Variants in RGL1 observed in about 807,000 individuals in gnomAD.
The protein encoded by RGL1 is ral guanine nucleotide dissociation stimulator like 1.
Under a neutral mutation model 95.2 loss-of-function variants are expected in RGL1, and 24 were observed. That is an observed-to-expected ratio of 0.25 (90% CI 0.18 to 0.35). The LOEUF is 0.35. Ranked by LOEUF, RGL1 falls within the 10% of genes least tolerant of loss-of-function variation. RGL1 has a pLI of 1.00. For missense variants in RGL1, 715 were observed against 936.3 expected, an observed-to-expected ratio of 0.76 and a Z score of 3.08; for synonymous variants, 329 against 344.9, an observed-to-expected ratio of 0.95 and a Z score of 0.51.
chr1:183,868,556 T>G (rs1266483686), intron 4 of RGL1, among the ~76,000 whole-genome samples: 2 of 152,202 alleles, frequency 1.3e-5, no homozygotes, highest in Admixed American at 6.5e-5. Context: ...GATTCTCAAG[T>G]GATTCCTAAG....
At chr1:183,655,294 T>A (rs1347756725) in intron 1 of RGL1, among the ~76,000 whole-genome samples, 2 of 152,250 alleles carry the variant, frequency 1.3e-5, no homozygotes, top group Non-Finnish European at 2.9e-5. Context: ...TGCTAGTTAC[T>A]GCTTATAAGG....
chr1:183,744,916 GTAAAGTATGAATA>G (rs1457886127), intron 2 of RGL1, among the ~76,000 whole-genome samples: 1 of 152,130 alleles, frequency 6.6e-6, no homozygotes, highest in Non-Finnish European at 1.5e-5. Flanking sequence ...ATGCTGAGTT[GTAAAGTATGAATA>G]CCTTTAGTTT....
intron 1 of RGL1, among the ~76,000 whole-genome samples, chr1:183,719,569 A>C (rs1655862731): frequency 1.3e-5 from 2 of 152,132 alleles, no homozygotes; most frequent in South Asian, 4.1e-4. Context: ...GGAAGAAGTA[A>C]ATATTTGCAA....
intron 1 of RGL1, among the ~76,000 whole-genome samples, chr1:183,737,761 A>G (rs1657032939): frequency 6.6e-6 from 1 of 152,056 alleles, no homozygotes; most frequent in South Asian, 2.1e-4. Flanking sequence ...AAAATTCCCA[A>G]ACAATTTTCT....
At chr1:183,897,669 T>C (rs1024150925) in intron 9 of RGL1, 139 bp from the exon 10 acceptor site, 1 of 594,244 alleles carries the variant, frequency 1.7e-6, no homozygotes, top group Non-Finnish European at 3.0e-6. Flanking sequence ...CGTGAGAGCC[T>C]GCTGGAGGCC....
At chr1:183,837,085 T>C (rs1446451378) in intron 2 of RGL1, among the ~76,000 whole-genome samples, 1 of 152,182 alleles carries the variant, frequency 6.6e-6, no homozygotes, top group Non-Finnish European at 1.5e-5. Flanking sequence ...ATGACTTGAC[T>C]TTAAAGTTTG....
At chr1:183,768,845 C>A (rs1440365853) in intron 2 of RGL1, among the ~76,000 whole-genome samples, 1 of 152,190 alleles carries the variant, frequency 6.6e-6, no homozygotes, top group Non-Finnish European at 1.5e-5. Flanking sequence ...AACTACAATT[C>A]TTATTCTTAG....
At chr1:183,894,350 C>G (rs577365540) in intron 9 of RGL1, among the ~76,000 whole-genome samples, 16 of 152,270 alleles carry the variant, frequency 1.1e-4, no homozygotes, top group Non-Finnish European at 1.2e-4. Context: ...AGAAGTTACC[C>G]CCCGTACTCT....
intron 14 of RGL1, among the ~76,000 whole-genome samples, chr1:183,909,533 A>G (rs1668527430): frequency 6.6e-6 from 1 of 152,186 alleles, no homozygotes; most frequent in South Asian, 2.1e-4. Flanking sequence ...TTCTGTGATC[A>G]GAGTTTAGCT....
intron 1 of RGL1, among the ~76,000 whole-genome samples, chr1:183,718,190 T>C (rs1273174340): frequency 6.7e-6 from 1 of 148,224 alleles, no homozygotes; most frequent in African/African-American, 2.5e-5. Flanking sequence ...AGGTTGCTAG[T>C]GCCACTCTAC....
intron 1 of RGL1, among the ~76,000 whole-genome samples, chr1:183,723,798 C>T (rs376324536): frequency 4.1e-4 from 62 of 152,270 alleles, no homozygotes; most frequent in African/African-American, 1.4e-3. Flanking sequence ...ATTTTGAGGG[C>T]ATGCAACCTA....
rs764502286 is a variant in RGL1 at position 183,847,660 on chromosome 1, T to G, written c.233T>G (p.Val78Gly). The change falls in exon 3 of 18, where the codon GTG becomes GGG. Residue 78 changes from valine (V) to glycine (G), a missense_variant. Around this residue, in one of 3 missense-constraint regions of RGL1, gnomAD observed 381 missense variants for 484.8 expected, o/e 0.79. Transcript: ENST00000360851. Reference sequence around the variant, plus strand: ...AAAGCTGGCACCTTGGAGAAGCTTGTGGAGAACCTGCTGACAGCTTTTGGG... The same window carrying G: ...AAAGCTGGCACCTTGGAGAAGCTTGGGGAGAACCTGCTGACAGCTTTTGGG... ...TIKAGTLEKLVENLLTAFGDN... is the reference protein window; with the variant it reads ...TIKAGTLEKLGENLLTAFGDN... The G allele has an allele frequency of 6.2e-7, 1 of 1,614,130 alleles. No individual in the cohort carries two copies. The highest frequency in any genetic ancestry group is 8.5e-7 in the Non-Finnish European group (1 of 1,179,960).
At chr1:183,722,228 CAAAAA>C (rs759515944) in intron 1 of RGL1, among the ~76,000 whole-genome samples, 1 of 95,034 alleles carries the variant, frequency 1.1e-5, no homozygotes, top group Non-Finnish European at 2.2e-5. Flanking sequence ...AGTCTGGGAC[CAAAAA>C]AAAAAAAAAA....
At chr1:183,645,808 C>T (rs1292132812) in intron 1 of RGL1, among the ~76,000 whole-genome samples, 2 of 152,228 alleles carry the variant, frequency 1.3e-5, no homozygotes, top group Non-Finnish European at 2.9e-5. Flanking sequence ...GACAGTATAT[C>T]TTTATGCTCT....
chr1:183,888,019 C>T (rs986659598), intron 7 of RGL1, among the ~76,000 whole-genome samples: 3 of 152,152 alleles, frequency 2.0e-5, no homozygotes, highest in African/African-American at 7.2e-5. Context: ...ATATACACCT[C>T]TGTGGACAAG....
At chr1:183,834,408 C>A (rs1479677293) in intron 2 of RGL1, among the ~76,000 whole-genome samples, 1 of 152,092 alleles carries the variant, frequency 6.6e-6, no homozygotes, top group African/African-American at 2.4e-5. Context: ...TGACTGCCAC[C>A]TTTATCATTG....
intron 1 of RGL1, among the ~76,000 whole-genome samples, chr1:183,707,110 G>A (rs12036178): frequency 0.038 from 5,776 of 152,198 alleles, 127 homozygotes; most frequent in East Asian, 0.08. Flanking sequence ...TCTTGATGGC[G>A]GCGTCCAGGG....
At position 183,880,590 on chromosome 1, in the gene RGL1, A is replaced by G. The variant is rs550460711; in HGVS notation, c.426-26A>G. ...TGCCTCCCCACAGCCAGTTGGGTGC[A>G]GTGACTCTCCATTTGTCTTTCTCAG... On this transcript the variant is annotated intron_variant, in intron 4 of 17. Transcript: ENST00000360851. The G allele has an allele frequency of 3.1e-6, 5 of 1,610,142 alleles. No homozygotes were observed. In the South Asian group the frequency reaches 5.5e-5, roughly 18 times the overall value.
intron 14 of RGL1, among the ~76,000 whole-genome samples, chr1:183,908,501 C>T (rs1166037956): frequency 2.0e-5 from 3 of 152,194 alleles, no homozygotes; most frequent in East Asian, 1.9e-4. Flanking sequence ...CCTGGCCCTG[C>T]GGAACTCTAG....
Sources: gnomAD v4.1 joint callset for allele counts (sites outside exome capture counted in the v4.1 genomes callset) on GRCh38, gnomAD v4.1.1 for gene constraint, gnomAD v4.1.1 regional missense constraint, MANE v1.5 for transcripts, NCBI Gene and HGNC (gene_info 2026-07-23, HGNC 2026-07-21) for gene names.